Variants in ITGAD observed in about 807,000 individuals in gnomAD.
ITGAD encodes the protein integrin alpha-D.
In ITGAD, 105 loss-of-function variants were observed where a neutral mutation model predicts 139.0. The observed-to-expected ratio is 0.76, with a 90% confidence interval of 0.65 to 0.89. The LOEUF (loss-of-function observed/expected upper bound fraction) is 0.89, where lower values mean the gene tolerates loss of function less well. ITGAD is among the 40% of genes least tolerant of loss of function. The pLI, the probability that ITGAD is intolerant of heterozygous loss-of-function variation, is 0.00. For synonymous variants in ITGAD, 569 were observed against 598.3 expected (o/e 0.95, Z 0.71); for missense variants, 1,384 against 1,487.3 (o/e 0.93, Z 1.14).
At chr16:31,413,719 C>T (rs900974419) in intron 16 of ITGAD, among the ~76,000 whole-genome samples, 1 of 152,216 alleles carries the variant, frequency 6.6e-6, no homozygotes, top group African/African-American at 2.4e-5. Context: ...TCATAGCATC[C>T]CACTCCTCCT....
Position 31,407,825 on chromosome 16 carries a change from G to A in ITGAD, c.918G>A (p.Ala306=), listed in dbSNP as rs141660381. The A allele has an allele frequency of 2.3e-4, 378 of 1,613,396 alleles. No homozygotes were observed. The highest frequency in any genetic ancestry group is 2.9e-4 in the Non-Finnish European group (347 of 1,179,496). ...AGGAGCTGAATACCATCAGCTCAGC[G>A]CCTCCGCAGGACCACGTGTTCAAGG... The part of the protein sequence containing the change: ...ARQELNTISS[A]PPQDHVFKVD... Residue 306 remains alanine (A), a synonymous_variant, in exon 9 of 30, where the codon GCG becomes GCA. Coordinates refer to ENST00000389202, the MANE Select transcript of ITGAD (RefSeq NM_005353.3).
At position 31,410,790 on chromosome 16, in the gene ITGAD, C is replaced by A. The variant is rs762240834; in HGVS notation, c.1268C>A (p.Ala423Asp). 5 of 1,613,398 alleles carry A rather than the reference C, an allele frequency of 3.1e-6. No homozygotes were observed. The highest frequency in any genetic ancestry group is 3.3e-5 in the Admixed American group (2 of 59,964). Residue 423 changes from alanine to aspartate, a missense_variant, in exon 12 of 30, where the codon GCC (alanine) becomes GAC (aspartate). Coordinates refer to ENST00000389202, the MANE Select transcript of ITGAD (RefSeq NM_005353.3). ...GGGGTACAGAACCTGGTCCTGGGGG[C>A]CCCCCGCTACCAGCATACCGGGAAG... ...WKGVQNLVLGAPRYQHTGKAV... is the reference protein window; with the variant it reads ...WKGVQNLVLGDPRYQHTGKAV...
chr16:31,422,989 C>A (rs942032197), intron 23 of ITGAD, 125 bp from the exon 24 acceptor site: 2 of 783,016 alleles, frequency 2.6e-6, no homozygotes, highest in Non-Finnish European at 4.4e-6. Context: ...CTGTGCCCGG[C>A]CAAATAATGT....
intron 4 of ITGAD, 35 bp downstream of exon 4, chr16:31,397,701 T>TGGGGG: frequency 7.7e-6 from 2 of 259,064 alleles, no homozygotes; most frequent in Non-Finnish European, 1.3e-5. Context: ...GGGGGTGGGG[T>TGGGGG]GGGGCGGGGG....
At chr16:31,414,146 C>T (rs191643534) in intron 16 of ITGAD, among the ~76,000 whole-genome samples, 12 of 152,244 alleles carry the variant, frequency 7.9e-5, no homozygotes, top group Non-Finnish European at 1.5e-4. Flanking sequence ...CATCTATCAC[C>T]TATCTAATCT....
intron 7 of ITGAD, 109 bp from the exon 8 acceptor site, chr16:31,407,406 T>C: frequency 9.7e-7 from 1 of 1,031,774 alleles, no homozygotes; most frequent in South Asian, 1.8e-5. Context: ...CCTGATAGAA[T>C]GTGAGGGTGC....
At chr16:31,423,016 G>A in intron 23 of ITGAD, 98 bp from the exon 24 acceptor site, 1 of 929,342 alleles carries the variant, frequency 1.1e-6, no homozygotes, top group South Asian at 1.3e-5. Context: ...TTATTTCCCT[G>A]AGACATCTGC....
At chr16:31,425,677 TTTC>T (rs1567358671) in intron 29 of ITGAD, among the ~76,000 whole-genome samples, 5 of 151,494 alleles carry the variant, frequency 3.3e-5, no homozygotes, top group Admixed American at 6.6e-5. Context: ...CTCTTTTCTT[TTTC>T]TTCTTCTTCT....
chr16:31,418,373 G>A lies in ITGAD; in HGVS notation c.2689G>A (p.Ala897Thr). The A allele has an allele frequency of 6.2e-7, 1 of 1,614,056 alleles. No individual in the cohort carries two copies. Among genetic ancestry groups the A allele is most frequent in the Non-Finnish European group, 8.5e-7 (1 of 1,179,950 alleles). ...AGACAGGATGCTTATGAGGGCCAGT[G>A]CAAGCAGGTGGGTCCAGGCCAGGGT... ...LGDRMLMRASASSENNKASSS... is the reference protein window; with the variant it reads ...LGDRMLMRASTSSENNKASSS... Residue 897 changes from alanine to threonine, a missense_variant, in exon 22 of 30, where the codon GCA (alanine) becomes ACA (threonine). Ala to Thr is a moderately conservative substitution (Grantham distance 58). Coordinates refer to ENST00000389202, the MANE Select transcript of ITGAD (RefSeq NM_005353.3).
intron 23 of ITGAD, among the ~76,000 whole-genome samples, chr16:31,421,596 T>C (rs1333970835): frequency 6.6e-6 from 1 of 152,028 alleles, no homozygotes; most frequent in Non-Finnish European, 1.5e-5. Context: ...AAAACCGGCA[T>C]ACTTAGGGAA....
chr16:31,425,002 T>G (rs2082084847), intron 29 of ITGAD, among the ~76,000 whole-genome samples: 1 of 152,114 alleles, frequency 6.6e-6, no homozygotes, highest in African/African-American at 2.4e-5. Flanking sequence ...TGGACACACA[T>G]TTTGGCTCTA....
chr16:31,416,035 TGTC>T (rs2081877160), intron 18 of ITGAD, among the ~76,000 whole-genome samples, 175 bp from the exon 19 acceptor site: 1 of 136,042 alleles, frequency 7.4e-6, no homozygotes, highest in Non-Finnish European at 1.7e-5. Flanking sequence ...CCAAGGATCT[TGTC>T]TTATCTTTCT....
In ITGAD at chr16:31,402,036, C is replaced by CG. The variant is rs2081418192; in HGVS notation, c.428-76dup. 23 of 1,511,142 alleles carry CG rather than the reference C, an allele frequency of 1.5e-5. No individual in the cohort carries two copies. In the South Asian group the frequency reaches 2.8e-4, roughly 18 times the overall value. The allele number at this position is 1,511,142 out of a possible 1,614,324, so 93.6% of individuals were successfully genotyped here. A position where few individuals can be genotyped will look rare whatever the true frequency, so the allele number is the denominator to read the frequency against. ...AGGTGGGGATGCCAAGAACAGCCCCCGGGCTCTGTTGAGCAGGAGCTGCAG... is the reference window on the plus strand; with the variant it reads ...AGGTGGGGATGCCAAGAACAGCCCCCGGGGCTCTGTTGAGCAGGAGCTGCAG... On this transcript the variant is annotated intron_variant, in intron 5 of 29. Coordinates refer to ENST00000389202, the MANE Select transcript of ITGAD (RefSeq NM_005353.3).
chr16:31,412,538 G>A (rs958979925), intron 14 of ITGAD, among the ~76,000 whole-genome samples: 1 of 152,194 alleles, frequency 6.6e-6, no homozygotes, highest in Admixed American at 6.5e-5. Flanking sequence ...GACAGATTGA[G>A]TCCTTGCCCA....
chr16:31,416,102 G>A (rs942075628), intron 18 of ITGAD, 111 bp from the exon 19 acceptor site: 2 of 814,250 alleles, frequency 2.5e-6, no homozygotes, highest in African/African-American at 3.4e-5. Flanking sequence ...GTCCAGCAAA[G>A]TGCTGGGGGC....
intron 3 of ITGAD, 57 bp downstream of exon 3, chr16:31,397,519 C>CG: frequency 6.3e-7 from 1 of 1,582,870 alleles, no homozygotes; most frequent in South Asian, 1.1e-5. Context: ...ACTGTGCCCC[C>CG]GCTTAGCTTC....
At chr16:31,417,944 C>T in intron 20 of ITGAD, 131 bp from the exon 21 acceptor site, 1 of 605,280 alleles carries the variant, frequency 1.7e-6, no homozygotes, top group Non-Finnish European at 2.6e-6. Flanking sequence ...TGAAATCCGT[C>T]TCAAAAAAAA....
At chr16:31,411,605 C>G (rs2081718384) in intron 14 of ITGAD, 88 bp downstream of exon 14, 2 of 1,278,204 alleles carry the variant, frequency 1.6e-6, no homozygotes, top group Non-Finnish European at 2.3e-6. Flanking sequence ...TGTCACCATT[C>G]CCTTCCTTGT....
Position 31,408,438 on chromosome 16 carries a change from G to A in ITGAD, c.1023G>A (p.Arg341=). The A allele has an allele frequency of 6.2e-7, 1 of 1,613,954 alleles. No individual in the cohort carries two copies. Among genetic ancestry groups the A allele is most frequent in the South Asian group, 1.1e-5 (1 of 91,076 alleles). Residue 341 remains arginine, a synonymous_variant, in exon 10 of 30, where the codon AGG becomes AGA. Coordinates refer to ENST00000389202, the MANE Select transcript of ITGAD (RefSeq NM_005353.3). ...GTTTCCCCACAGGAACCCAGTCCAG[G>A]GCAAGCAGCTCCTTCCAGCACGAGA... The part of the protein sequence containing the change: ...KIYAVEGTQS[R]ASSSFQHEMS...
Sources: allele counts gnomAD v4.1 joint callset (sites outside exome capture counted in the v4.1 genomes callset), GRCh38; gene constraint gnomAD v4.1.1; transcripts MANE v1.5; gene names NCBI Gene and HGNC (gene_info 2026-07-23, HGNC 2026-07-21).